CLSTN2: variants seen among roughly 807,000 people sequenced by gnomAD.
CLSTN2 encodes the protein calsyntenin-2.
In CLSTN2, 48 loss-of-function variants were observed where a neutral mutation model predicts 101.2. The observed-to-expected ratio is 0.47, with a 90% CI of 0.38 to 0.60. CLSTN2 has a LOEUF of 0.60. Among genes scored for constraint, CLSTN2 ranks in the 20% least tolerant of loss-of-function variants. CLSTN2 has a pLI of 0.00. For synonymous variants in CLSTN2, 481 were observed against 463.6 expected (o/e 1.04, Z -0.48); for missense variants, 1,160 against 1,238.2 (o/e 0.94, Z 0.95).
intron 1 of CLSTN2, among the ~76,000 whole-genome samples, chr3:139,993,585 A>G (rs538881444): frequency 6.6e-6 from 1 of 152,264 alleles, no homozygotes; most frequent in African/African-American, 2.4e-5. Context: ...CAAACAGTAT[A>G]TCTCACCCCC....
chr3:140,078,096 T>C (rs2008523184), intron 1 of CLSTN2, among the ~76,000 whole-genome samples: 1 of 152,084 alleles, frequency 6.6e-6, no homozygotes, highest in Non-Finnish European at 1.5e-5. Flanking sequence ...CTGGTGGCAT[T>C]TGGAGGCTCC....
At chr3:140,339,987 C>T (rs1241930269) in intron 2 of CLSTN2, among the ~76,000 whole-genome samples, 2 of 152,148 alleles carry the variant, frequency 1.3e-5, no homozygotes, top group Admixed American at 1.3e-4. Context: ...CACAGATATC[C>T]CTCAGAGCCC....
intron 2 of CLSTN2, among the ~76,000 whole-genome samples, chr3:140,397,732 T>A (rs2088198069): frequency 6.6e-6 from 1 of 152,228 alleles, no homozygotes; most frequent in African/African-American, 2.4e-5. Context: ...CTTTGGTGAT[T>A]TGGTTTCAAT....
At chr3:140,196,254 G>A (rs943425524) in intron 2 of CLSTN2, among the ~76,000 whole-genome samples, 3 of 152,192 alleles carry the variant, frequency 2.0e-5, no homozygotes, top group Admixed American at 6.5e-5. Context: ...AGAGATGGCG[G>A]AGCTTTCCCA....
chr3:139,979,926 G>A (rs1034862276), intron 1 of CLSTN2, among the ~76,000 whole-genome samples: 9 of 151,900 alleles, frequency 5.9e-5, no homozygotes, highest in Non-Finnish European at 7.4e-5. Flanking sequence ...TGCTTGTTCA[G>A]GTCATCTTGC....
chr3:140,370,012 A>C (rs893903294), intron 2 of CLSTN2, among the ~76,000 whole-genome samples: 3 of 152,242 alleles, frequency 2.0e-5, no homozygotes, highest in African/African-American at 7.2e-5. Flanking sequence ...TCATGTCTTT[A>C]GTCAGAATTG....
At chr3:140,346,678 CTT>C (rs1333664310) in intron 2 of CLSTN2, among the ~76,000 whole-genome samples, 5 of 152,184 alleles carry the variant, frequency 3.3e-5, no homozygotes, top group African/African-American at 7.2e-5. Flanking sequence ...TTTTCAGTCT[CTT>C]TTCACAGTCA....
chr3:140,338,462 T>C (rs1397335215), intron 2 of CLSTN2, among the ~76,000 whole-genome samples: 2 of 152,296 alleles, frequency 1.3e-5, no homozygotes, highest in East Asian at 3.9e-4. Context: ...ACAGCCAGTG[T>C]TTTTAGCCCT....
intron 1 of CLSTN2, among the ~76,000 whole-genome samples, chr3:140,142,141 G>T (rs2009711026): frequency 6.6e-6 from 1 of 152,196 alleles, no homozygotes; most frequent in South Asian, 2.1e-4. Context: ...GGGCTAGGAG[G>T]TACACATTCT....
chr3:140,091,694 TC>T (rs781402668), intron 1 of CLSTN2, among the ~76,000 whole-genome samples: 1 of 152,306 alleles, frequency 6.6e-6, no homozygotes, highest in Non-Finnish European at 1.5e-5. Flanking sequence ...CTTCTGTGGT[TC>T]CTCAGGGCCA....
chr3:140,433,582 C>T (rs1340982319), intron 5 of CLSTN2, among the ~76,000 whole-genome samples: 1 of 152,186 alleles, frequency 6.6e-6, no homozygotes, highest in Non-Finnish European at 1.5e-5. Context: ...AGTGCAGGCT[C>T]CGAAGCCAGA....
chr3:140,487,892 T>C (rs1182632337), intron 8 of CLSTN2, among the ~76,000 whole-genome samples: 5 of 152,244 alleles, frequency 3.3e-5, no homozygotes, highest in South Asian at 2.1e-4. Flanking sequence ...TTATATCTAT[T>C]ATCTAGACTC....
chr3:140,215,556 T>A (rs1205488174), intron 2 of CLSTN2, among the ~76,000 whole-genome samples: 1 of 152,192 alleles, frequency 6.6e-6, no homozygotes, highest in Non-Finnish European at 1.5e-5. Flanking sequence ...AGCTATGTAA[T>A]CTTGGAGAAA....
intron 2 of CLSTN2, among the ~76,000 whole-genome samples, chr3:140,194,616 T>C (rs1240323782): frequency 1.3e-5 from 2 of 152,224 alleles, no homozygotes; most frequent in Non-Finnish European, 2.9e-5. Flanking sequence ...TCTGAGACTC[T>C]GGGTCTTATT....
In CLSTN2 at chr3:140,567,110, C is replaced by T. The variant is rs917519473; in HGVS notation, c.*857C>T. On this transcript the variant is annotated 3_prime_UTR_variant, in exon 17 of 17. Transcript: ENST00000458420. ...AGTCACAACAAGGACAACAAGGACA[C>T]AACACAACACACAACAAGGACAGTC... The T allele has an allele frequency of 6.6e-6, 1 of 151,100 alleles. No homozygotes were observed. Among genetic ancestry groups the T allele is most frequent in the Middle Eastern group, 3.4e-3 (1 of 298 alleles). 9.4% of individuals were successfully genotyped at this position (151,100 alleles called of 1,614,324 possible).
chr3:140,403,245 C>T, intron 2 of CLSTN2, among the ~76,000 whole-genome samples: 1 of 152,096 alleles, frequency 6.6e-6, no homozygotes, highest in East Asian at 1.9e-4. Context: ...AAAACTGCAA[C>T]TTGGAAGGGG....
intron 2 of CLSTN2, among the ~76,000 whole-genome samples, chr3:140,301,734 A>T (rs1181285270): frequency 6.6e-6 from 1 of 152,220 alleles, no homozygotes; most frequent in Non-Finnish European, 1.5e-5. Flanking sequence ...CAGGCTTCAG[A>T]CTTCTGCTGT....
intron 2 of CLSTN2, among the ~76,000 whole-genome samples, chr3:140,352,748 T>A (rs1449060529): frequency 6.6e-6 from 1 of 152,188 alleles, no homozygotes; most frequent in Non-Finnish European, 1.5e-5. Context: ...GGACTTTTTT[T>A]TCTCTAACTG....
chr3:140,411,889 A>G (rs577935265), intron 4 of CLSTN2, among the ~76,000 whole-genome samples: 1 of 152,380 alleles, frequency 6.6e-6, no homozygotes, highest in African/African-American at 2.4e-5. Flanking sequence ...CTGGGAATAC[A>G]TGGCATGCCT....
Sources: gnomAD v4.1 joint callset for allele counts (sites outside exome capture counted in the v4.1 genomes callset) on GRCh38, gnomAD v4.1.1 for gene constraint, MANE v1.5 for transcripts, NCBI Gene and HGNC (gene_info 2026-07-23, HGNC 2026-07-21) for gene names.